Variants in LDLRAD3 observed in about 807,000 individuals in gnomAD.
The protein encoded by LDLRAD3 is low density lipoprotein receptor class A domain containing 3.
LDLRAD3 carries 20 observed loss-of-function variants against 29.4 expected under a neutral mutation model. That is an observed-to-expected ratio of 0.68 (90% CI 0.48 to 0.99). LDLRAD3 has a LOEUF of 0.99. Ranked by LOEUF, LDLRAD3 falls within the 50% of genes least tolerant of loss-of-function variation. The probability of loss-of-function intolerance (pLI) is 0.00; values close to 1 mark genes in which losing one functional copy is unlikely to be tolerated. For missense variants in LDLRAD3, 420 were observed against 454.3 expected, an observed-to-expected ratio of 0.92 and a Z score of 0.69; for synonymous variants, 157 against 192.7, an observed-to-expected ratio of 0.81 and a Z score of 1.53.
intron 4 of LDLRAD3, among the ~76,000 whole-genome samples, chr11:36,211,155 T>C (rs1320834849): frequency 6.6e-6 from 1 of 152,182 alleles, no homozygotes; most frequent in African/African-American, 2.4e-5. Flanking sequence ...GTCTCAACTA[T>C]GCAACTCTGC....
At chr11:36,141,827 A>C (rs1171463195) in intron 4 of LDLRAD3, among the ~76,000 whole-genome samples, 14 of 152,246 alleles carry the variant, frequency 9.2e-5, no homozygotes, top group Non-Finnish European at 1.9e-4. Context: ...GGTCACAGGA[A>C]GTCAGCAGAA....
intron 3 of LDLRAD3, 27 bp from the exon 4 acceptor site, chr11:36,098,300 G>A: frequency 6.2e-7 from 1 of 1,612,994 alleles, no homozygotes; most frequent in Non-Finnish European, 8.5e-7. Flanking sequence ...GGCCTCCCTG[G>A]TAATGTGCTG....
At chr11:36,098,193 G>A (rs1465245782) in intron 3 of LDLRAD3, 134 bp from the exon 4 acceptor site, 1 of 1,076,902 alleles carries the variant, frequency 9.3e-7, no homozygotes, top group Non-Finnish European at 1.3e-6. Context: ...TACAGCATGG[G>A]CTTTGAGTCT....
At chr11:35,979,478 A>G (rs1851513961) in intron 1 of LDLRAD3, among the ~76,000 whole-genome samples, 1 of 152,136 alleles carries the variant, frequency 6.6e-6, no homozygotes, top group Non-Finnish European at 1.5e-5. Context: ...TCTGAGTTGC[A>G]GTTGTGTTGT....
intron 1 of LDLRAD3, chr11:35,972,706 T>A (rs1195835033): frequency 6.6e-6 from 1 of 152,200 alleles, no homozygotes; most frequent in East Asian, 1.9e-4. Flanking sequence ...TTTATTGATT[T>A]GAATTTTATT....
intron 4 of LDLRAD3, among the ~76,000 whole-genome samples, chr11:36,110,689 G>A (rs1018317233): frequency 6.6e-6 from 1 of 152,302 alleles, no homozygotes; most frequent in Middle Eastern, 3.4e-3. Flanking sequence ...GTCTCACCCA[G>A]GTACTGGAAG....
At chr11:35,974,055 T>C (rs1257402055) in intron 1 of LDLRAD3, among the ~76,000 whole-genome samples, 1 of 152,236 alleles carries the variant, frequency 6.6e-6, no homozygotes, top group Non-Finnish European at 1.5e-5. Context: ...TCTTATTGAT[T>C]TGTAGGAACT....
chr11:36,204,095 A>G (rs1353265334), intron 4 of LDLRAD3, among the ~76,000 whole-genome samples: 1 of 152,184 alleles, frequency 6.6e-6, no homozygotes, highest in African/African-American at 2.4e-5. Flanking sequence ...CAAGTGAAGC[A>G]ATTTCCTTCT....
At chr11:36,110,017 G>A (rs1178152995) in intron 4 of LDLRAD3, 1 of 152,236 alleles carries the variant, frequency 6.6e-6, no homozygotes. Context: ...CAGCTGGGCT[G>A]AGAGAGGCAA....
intron 4 of LDLRAD3, among the ~76,000 whole-genome samples, chr11:36,200,033 G>A (rs1168100417): frequency 6.6e-6 from 1 of 152,064 alleles, no homozygotes; most frequent in Non-Finnish European, 1.5e-5. Flanking sequence ...TGGGTGTGGT[G>A]GCATGCACCT....
chr11:36,056,253 A>T (rs76113535), intron 2 of LDLRAD3, among the ~76,000 whole-genome samples: 1 of 152,074 alleles, frequency 6.6e-6, no homozygotes, highest in Non-Finnish European at 1.5e-5. Context: ...GCGGCCTCCC[A>T]AAGTGCTGGG....
At chr11:36,014,901 G>A (rs562839213) in intron 1 of LDLRAD3, among the ~76,000 whole-genome samples, 14 of 152,216 alleles carry the variant, frequency 9.2e-5, no homozygotes, top group Middle Eastern at 3.4e-3. Flanking sequence ...ACAAAAGAAG[G>A]GGGGAGCCCC....
At chr11:36,094,227 C>T (rs994304604) in intron 3 of LDLRAD3, among the ~76,000 whole-genome samples, 1 of 152,218 alleles carries the variant, frequency 6.6e-6, no homozygotes. Context: ...TCCATCTTGA[C>T]ACCAGTTCAT....
intron 4 of LDLRAD3, among the ~76,000 whole-genome samples, chr11:36,102,968 T>C (rs1286091670): frequency 6.6e-6 from 1 of 152,210 alleles, no homozygotes; most frequent in Non-Finnish European, 1.5e-5. Context: ...TCCCATTCTT[T>C]TGGCGTGTGT....
chr11:36,095,760 G>A (rs1430085101), intron 3 of LDLRAD3, among the ~76,000 whole-genome samples: 1 of 152,172 alleles, frequency 6.6e-6, no homozygotes, highest in Non-Finnish European at 1.5e-5. Context: ...CCATCAGGAC[G>A]TTTACATAAG....
intron 1 of LDLRAD3, among the ~76,000 whole-genome samples, chr11:36,008,995 C>T (rs11033375): frequency 0.017 from 2,568 of 152,264 alleles, 84 homozygotes; most frequent in African/African-American, 0.059. Flanking sequence ...TCTTACCTTC[C>T]TTTGTCTCCA....
At chr11:36,009,747 AT>A (rs1042483085) in intron 1 of LDLRAD3, among the ~76,000 whole-genome samples, 8 of 152,140 alleles carry the variant, frequency 5.3e-5, no homozygotes, top group South Asian at 2.1e-4. Flanking sequence ...TTCCTGCAAC[AT>A]TTTTTTTCCA....
At chr11:36,155,720 C>G (rs79667800) in intron 4 of LDLRAD3, among the ~76,000 whole-genome samples, 10 of 152,352 alleles carry the variant, frequency 6.6e-5, no homozygotes, top group African/African-American at 2.4e-4. Flanking sequence ...TAGGATACAG[C>G]AGGGGCCTCT....
rs754632164 is a variant in LDLRAD3 at position 36,172,131 on chromosome 11, G to A, written c.455-54954G>A. 3.0e-4 allele frequency among the ~76,000 whole-genome samples: 45 copies of A among 152,084 alleles called. 1 individual carries two copies. Among genetic ancestry groups the A allele is most frequent in the Middle Eastern group, 6.8e-3 (2 of 294 alleles). On this transcript the variant is annotated intron_variant, in intron 4 of 5. Transcript: ENST00000315571. Reference sequence around the variant, plus strand: ...TCTTTATTTGATTCTCAGCTTGGTCGCTGTTGGTGTATAGCAGTACTTCTG... The same window carrying A: ...TCTTTATTTGATTCTCAGCTTGGTCACTGTTGGTGTATAGCAGTACTTCTG...
Sources: allele counts gnomAD v4.1 joint callset (sites outside exome capture counted in the v4.1 genomes callset), GRCh38; gene constraint gnomAD v4.1.1; transcripts MANE v1.5; gene names NCBI Gene and HGNC (gene_info 2026-07-23, HGNC 2026-07-21).